MUC7: variants seen among roughly 807,000 people sequenced by gnomAD.
MUC7 encodes the protein mucin 7, secreted, also known as mucin-7.
MUC7 carries 2 observed loss-of-function variants against 2.5 expected under a neutral mutation model. The ratio of observed to expected loss-of-function variants is 0.81; its 90% CI spans 0.33 to 2.55. The LOEUF is 2.55. MUC7 is among the 30% of genes most tolerant of loss of function. The pLI, the probability that MUC7 is intolerant of heterozygous loss-of-function variation, is 0.11. For synonymous variants in MUC7, 133 were observed against 173.4 expected, an observed-to-expected ratio of 0.77 and a Z score of 1.83; for missense variants, 408 against 455.6, an observed-to-expected ratio of 0.90 and a Z score of 0.95.
intron 1 of MUC7, among the ~76,000 whole-genome samples, chr4:70,457,136 A>G (rs1265658793): frequency 6.6e-6 from 1 of 152,168 alleles, no homozygotes; most frequent in Admixed American, 6.5e-5. Context: ...CAATGTAGCC[A>G]TTTGACTTTA....
At chr4:70,431,403 C>A (rs2109783014) in intron 1 of MUC7, among the ~76,000 whole-genome samples, 1 of 151,652 alleles carries the variant, frequency 6.6e-6, no homozygotes, top group African/African-American at 2.4e-5. Context: ...TCTTCAAACA[C>A]AAAGAGTTCA....
In MUC7 at chr4:70,436,872, A is replaced by T. The variant is rs557767224; in HGVS notation, c.-93+6185A>T. On this transcript the variant is annotated intron_variant, in intron 1 of 3. Transcript: ENST00000413702. ...GGTCTTTGATGTTGATGACCTACAGATGGGGTTTTGGTGTGGATGTCCTTT... is the reference window on the plus strand; with the variant it reads ...GGTCTTTGATGTTGATGACCTACAGTTGGGGTTTTGGTGTGGATGTCCTTT... Among the ~76,000 whole-genome samples the T allele has an allele frequency of 4.6e-5, 7 of 152,172 alleles. No individual in the cohort carries two copies. The East Asian group carries it at 1.4e-3, about 29-fold the overall frequency.
At chr4:70,440,727 G>A (rs780061339) in intron 1 of MUC7, among the ~76,000 whole-genome samples, 2 of 151,776 alleles carry the variant, frequency 1.3e-5, no homozygotes, top group Non-Finnish European at 2.9e-5. Flanking sequence ...ATATCTATTG[G>A]ACATCAATTC....
intron 1 of MUC7, among the ~76,000 whole-genome samples, chr4:70,456,565 G>C (rs1176298785): frequency 6.6e-6 from 1 of 152,104 alleles, no homozygotes; most frequent in Non-Finnish European, 1.5e-5. Context: ...GAGAACAAAG[G>C]GGGGACTGCC....
intron 1 of MUC7, among the ~76,000 whole-genome samples, chr4:70,457,176 C>T (rs1352821695): frequency 1.3e-5 from 2 of 152,112 alleles, no homozygotes; most frequent in Non-Finnish European, 2.9e-5. Flanking sequence ...GGTGTGGTGG[C>T]TCATACCTGT....
At position 70,474,057 on chromosome 4, in the gene MUC7, ACT is replaced by A; in HGVS notation, c.37_38del (p.Leu13GlufsTer8). 6.2e-7 allele frequency: 1 copy of A among 1,613,268 alleles called. No individual in the cohort carries two copies. Among genetic ancestry groups the A allele is most frequent in the Non-Finnish European group, 8.5e-7 (1 of 1,179,504 alleles). ...TGCCGCTGTTTGTGTGCATCTGTGC[ACT>A]GAGTGCTTGCTTCTCGGTAAGTATT... ...TLPLFVCICA[L>X]SACFSFSEGR... On this transcript the variant is annotated frameshift_variant, in exon 2 of 3. Coordinates refer to ENST00000304887, the MANE Select transcript of MUC7 (RefSeq NM_152291.3). LOFTEE classifies it low-confidence loss of function (END_TRUNC).
chr4:70,472,065 C>A (rs111642749), upstream of MUC7: 1 of 152,356 alleles, frequency 6.6e-6, no homozygotes, highest in African/African-American at 2.4e-5. Context: ...TCAATCTCAG[C>A]AAACCACAAC....
At chr4:70,433,543 T>C (rs1733739658) in intron 1 of MUC7, among the ~76,000 whole-genome samples, 1 of 152,210 alleles carries the variant, frequency 6.6e-6, no homozygotes, top group Non-Finnish European at 1.5e-5. Flanking sequence ...TATTGGTGTA[T>C]AGGAATGCTT....
At chr4:70,445,924 C>A (rs1734122098) in intron 1 of MUC7, among the ~76,000 whole-genome samples, 1 of 152,148 alleles carries the variant, frequency 6.6e-6, no homozygotes, top group Admixed American at 6.6e-5. Flanking sequence ...ATGCTTCACC[C>A]CAGACATGAC....
At chr4:70,463,199 C>CAAA (rs11408724) in intron 1 of MUC7, among the ~76,000 whole-genome samples, 3 of 151,332 alleles carry the variant, frequency 2.0e-5, no homozygotes, top group Non-Finnish European at 4.4e-5. Context: ...CTTCAAACCA[C>CAAA]AAAAAAAAAT....
intron 2 of MUC7, among the ~76,000 whole-genome samples, chr4:70,479,834 G>A (rs1420011671): frequency 6.6e-6 from 1 of 152,100 alleles, no homozygotes; most frequent in African/African-American, 2.4e-5. Flanking sequence ...ACAAAATTAG[G>A]ACCAAAGGAT....
rs887243930 is a variant in MUC7, at chr4:70,473,893, A to T, written c.-15-114A>T. ...TGAAAATGTATACATAATTTTCAGA[A>T]ACCATTGGTCTCTTTTTGCCTGTAC... is the stretch of plus-strand genomic sequence containing the variant. On this transcript the variant is annotated intron_variant, in intron 1 of 2. Transcript: ENST00000304887. 1.4e-5 allele frequency: 10 copies of T among 712,898 alleles called. No individual in the cohort carries two copies. The African/African-American group carries it at 1.6e-4, about 11-fold the overall frequency. 44.2% of individuals were successfully genotyped at this position (712,898 alleles called of 1,614,324 possible).
At chr4:70,463,661 C>G (rs888264928) in intron 1 of MUC7, among the ~76,000 whole-genome samples, 1 of 152,184 alleles carries the variant, frequency 6.6e-6, no homozygotes, top group Non-Finnish European at 1.5e-5. Context: ...GTCCACATGT[C>G]AGTCATTTCA....
rs6826961 is a variant in MUC7 at position 70,480,984 on chromosome 4, C to G, written c.240C>G (p.Asn80Lys). Residue 80 changes from asparagine to lysine, a missense_variant, in exon 3 of 3, where the codon AAC (asparagine) becomes AAG (lysine). Asn to Lys is a moderately conservative substitution (Grantham distance 94). This residue lies in a region of MUC7 where 225 missense variants were observed against 240.5 expected (regional missense o/e 0.94). Transcript: ENST00000304887. Reference protein sequence around the residue: ...CRPKLPPSPNNPPKFPNPHQP... With the variant: ...CRPKLPPSPNKPPKFPNPHQP... Reference sequence around the variant, plus strand: ...CTAAGCTTCCACCTTCACCTAATAACCCCCCCAAATTCCCAAATCCTCACC... The same window carrying G: ...CTAAGCTTCCACCTTCACCTAATAAGCCCCCCAAATTCCCAAATCCTCACC... 410,127 of 1,612,946 alleles carry G rather than the reference C, an allele frequency of 0.25. 54,480 individuals are homozygous for G. The highest frequency in any genetic ancestry group is 0.37 in the South Asian group (33,437 of 91,064).
At chr4:70,434,448 G>T (rs112907353) in intron 1 of MUC7, among the ~76,000 whole-genome samples, 2,884 of 152,232 alleles carry the variant, frequency 0.019, 84 homozygotes, top group African/African-American at 0.064. Context: ...GTACTCTTGG[G>T]AGGGTGTATG....
exon 1 of MUC7, chr4:70,430,650 G>A (rs529509380): frequency 6.6e-6 from 1 of 152,212 alleles, no homozygotes; most frequent in Non-Finnish European, 1.5e-5. Flanking sequence ...CAACTGACAA[G>A]TAGTTTGACC....
At chr4:70,432,182 A>G (rs578172274) in intron 1 of MUC7, among the ~76,000 whole-genome samples, 3 of 152,356 alleles carry the variant, frequency 2.0e-5, no homozygotes, top group African/African-American at 7.2e-5. Context: ...AGTCTTTGCT[A>G]TTGCGAATAG....
intron 1 of MUC7, among the ~76,000 whole-genome samples, chr4:70,465,855 C>G (rs1312641870): frequency 1.3e-5 from 2 of 152,084 alleles, no homozygotes; most frequent in East Asian, 1.9e-4. Flanking sequence ...CTTCCCCAAC[C>G]CAGCAAAACA....
chr4:70,474,995 C>T (rs542820806), intron 2 of MUC7, among the ~76,000 whole-genome samples: 1 of 152,050 alleles, frequency 6.6e-6, no homozygotes, highest in African/African-American at 2.4e-5. Context: ...AAGAAATGAA[C>T]AGGCCGGGCG....
Sources: gnomAD v4.1 joint callset for allele counts (sites outside exome capture counted in the v4.1 genomes callset) on GRCh38, gnomAD v4.1.1 for gene constraint, gnomAD v4.1.1 regional missense constraint, MANE v1.5 for transcripts, NCBI Gene and HGNC (gene_info 2026-07-23, HGNC 2026-07-21) for gene names.